LITAF: variants seen among roughly 807,000 people sequenced by gnomAD.
LITAF encodes the protein lipopolysaccharide-induced tumor necrosis factor-alpha factor.
A neutral mutation model predicts 14.5 loss-of-function variants in LITAF; 9 were observed. The observed-to-expected ratio is 0.62, with a 90% CI of 0.37 to 1.08. The LOEUF is 1.08. Ranked by LOEUF, LITAF falls within the 50% of genes least tolerant of loss-of-function variation. The pLI is 0.01. For missense variants in LITAF, 206 were observed against 213.4 expected (o/e 0.97, Z 0.22); for synonymous variants, 98 against 88.2 (o/e 1.11, Z -0.62).
At chr16:11,574,802 T>G (rs1597350594) in intron 1 of LITAF, among the ~76,000 whole-genome samples, 1 of 8,992 alleles carries the variant, frequency 1.1e-4, no homozygotes, top group Non-Finnish European at 2.3e-4. Flanking sequence ...CAATATAAAG[T>G]TTTTTTTTTC....
At chr16:11,601,101 C>G (rs2064923740), upstream of LITAF, among the ~76,000 whole-genome samples, 1 of 152,006 alleles carries the variant, frequency 6.6e-6, no homozygotes, top group South Asian at 2.1e-4. Flanking sequence ...TGGGGAGAAT[C>G]CTGATTCTCC....
intron 1 of LITAF, among the ~76,000 whole-genome samples, chr16:11,573,306 G>C (rs1314910226): frequency 6.6e-6 from 1 of 152,126 alleles, no homozygotes; most frequent in African/African-American, 2.4e-5. Flanking sequence ...ACCAGGCAAA[G>C]AGCAAAATGT....
In LITAF at chr16:11,553,530, C is replaced by T. The variant is rs202181952; in HGVS notation, c.377+3G>A. ...CTTGGGGCCAAGTGGGAGGCAGACTCACCCCAGCAGGCACAGGCTCCCGCA... is the reference window on the plus strand; with the variant it reads ...CTTGGGGCCAAGTGGGAGGCAGACTTACCCCAGCAGGCACAGGCTCCCGCA... On this transcript the variant is annotated splice_donor_region_variant and intron_variant, in intron 3 of 3. Coordinates refer to ENST00000622633, the MANE Select transcript of LITAF (RefSeq NM_001136472.2). This position sits in a 1 kb window ranked among gnomAD's most constrained non-coding sequence, Gnocchi z 7.7. 20 of 1,613,926 alleles carry T rather than the reference C, an allele frequency of 1.2e-5. No individual in the cohort carries two copies. The East Asian group carries it at 4.0e-4, about 32-fold the overall frequency.
At chr16:11,580,181 G>C (rs761481851) in intron 1 of LITAF, among the ~76,000 whole-genome samples, 22 of 152,122 alleles carry the variant, frequency 1.4e-4, no homozygotes, top group Admixed American at 5.9e-4. Context: ...AAACACTTCC[G>C]GTCCCAAGCA....
chr16:11,548,594 T>G lies in LITAF; in HGVS notation c.*1043A>C, dbSNP rs1305858740. On this transcript the variant is annotated 3_prime_UTR_variant, in exon 4 of 4. Transcript: ENST00000622633. ...AAATTATCCATTTCTTTTTCTTTTT[T>G]TTTTTTTTAAGTGAGACTACATTGG... 2 of 446,188 alleles carry G rather than the reference T, an allele frequency of 4.5e-6. No individual in the cohort carries two copies. The allele number at this position is 446,188 out of a possible 1,614,324, so 27.6% of individuals were successfully genotyped here. A position where few individuals can be genotyped will look rare whatever the true frequency, so the allele number is the denominator to read the frequency against.
intron 1 of LITAF, among the ~76,000 whole-genome samples, chr16:11,592,893 G>T: frequency 6.6e-6 from 1 of 152,034 alleles, no homozygotes; most frequent in Non-Finnish European, 1.5e-5. Flanking sequence ...AAAATTGGCC[G>T]GGTGTGGTGG....
At chr16:11,637,976 A>C (rs199807917), upstream of LITAF, among the ~76,000 whole-genome samples, 13 of 37,366 alleles carry the variant, frequency 3.5e-4, no homozygotes, top group South Asian at 6.2e-4. Flanking sequence ...CTATATATCT[A>C]TATATATCTA....
rs1481042324 is a variant in LITAF, at chr16:11,548,359, G to A, written c.*1278C>T. ...GTCTTCTCATGTTTTACAACAAGCTGTGTCTCTGAAAACTAAAATCAGACT... is the reference window on the plus strand; with the variant it reads ...GTCTTCTCATGTTTTACAACAAGCTATGTCTCTGAAAACTAAAATCAGACT... On this transcript the variant is annotated 3_prime_UTR_variant, in exon 4 of 4. Transcript: ENST00000622633. The A allele has an allele frequency of 2.2e-6, 1 of 454,030 alleles. No individual in the cohort carries two copies. Among genetic ancestry groups the A allele is most frequent in the Non-Finnish European group, 4.4e-6 (1 of 226,794 alleles). The allele number at this position is 454,030 out of a possible 1,614,324, so 28.1% of individuals were successfully genotyped here.
intron 3 of LITAF, among the ~76,000 whole-genome samples, chr16:11,611,381 T>G (rs2141878546): frequency 6.6e-6 from 1 of 152,210 alleles, no homozygotes; most frequent in African/African-American, 2.4e-5. Flanking sequence ...AACTCAAATG[T>G]CAGAGAAACA....
At chr16:11,590,517 A>C (rs545462746), upstream of LITAF, among the ~76,000 whole-genome samples, 1 of 117,552 alleles carries the variant, frequency 8.5e-6, no homozygotes, top group South Asian at 2.6e-4. Flanking sequence ...CTTTGTGATA[A>C]AGTATTGAAT....
chr16:11,638,024 C>CTATATATATCTATATATCTA (rs1555475693), upstream of LITAF, among the ~76,000 whole-genome samples: 2 of 72,160 alleles, frequency 2.8e-5, no homozygotes, highest in South Asian at 4.0e-4. Context: ...CTATATATAT[C>CTATATATATCTATATATCTA]TATATATCTA....
At chr16:11,582,034 G>A (rs1289167496) in intron 1 of LITAF, among the ~76,000 whole-genome samples, 1 of 152,150 alleles carries the variant, frequency 6.6e-6, no homozygotes, top group Non-Finnish European at 1.5e-5. Context: ...ACTGTAGGGT[G>A]AATATGGTTA....
chr16:11,606,421 G>A (rs1343956645), intron 3 of LITAF, among the ~76,000 whole-genome samples: 6 of 151,626 alleles, frequency 4.0e-5, no homozygotes, highest in Admixed American at 2.0e-4. Flanking sequence ...CACCTGCCTC[G>A]GCCTCCCAAA....
chr16:11,589,006 C>T (rs1468963221), upstream of LITAF, among the ~76,000 whole-genome samples: 2 of 152,102 alleles, frequency 1.3e-5, no homozygotes, highest in Admixed American at 6.5e-5. Flanking sequence ...TCCCCAACTG[C>T]TGAGCAGCAA....
At chr16:11,603,455 C>A (rs1280278019), upstream of LITAF, among the ~76,000 whole-genome samples, 1 of 152,186 alleles carries the variant, frequency 6.6e-6, no homozygotes, top group Non-Finnish European at 1.5e-5. Flanking sequence ...CCTTCTCTTC[C>A]CCTCCAGAAA....
intron 1 of LITAF, among the ~76,000 whole-genome samples, chr16:11,559,831 CAA>C (rs769948818): frequency 1.3e-5 from 2 of 149,038 alleles, no homozygotes; most frequent in African/African-American, 5.0e-5. Flanking sequence ...ACTGTCTCTA[CAA>C]AAAAATTAAA....
intron 3 of LITAF, among the ~76,000 whole-genome samples, chr16:11,606,557 T>G (rs1044418412): frequency 2.0e-5 from 3 of 152,204 alleles, no homozygotes; most frequent in Admixed American, 6.5e-5. Flanking sequence ...TTATATGCAC[T>G]GGAAAACCAA....
At chr16:11,570,173 C>A (rs2064520213) in intron 1 of LITAF, among the ~76,000 whole-genome samples, 3 of 152,176 alleles carry the variant, frequency 2.0e-5, no homozygotes, top group Non-Finnish European at 4.4e-5. Context: ...TGCCAAATTT[C>A]TCTCAGGTTT....
intron 1 of LITAF, among the ~76,000 whole-genome samples, chr16:11,581,839 C>G (rs968057032): frequency 6.6e-6 from 1 of 152,150 alleles, no homozygotes; most frequent in South Asian, 2.1e-4. Flanking sequence ...AGTCCGCACT[C>G]CCCTCGAAAG....
Sources: gnomAD v4.1 joint callset for allele counts (sites outside exome capture counted in the v4.1 genomes callset) on GRCh38, gnomAD v4.1.1 for gene constraint, Gnocchi (gnomAD v3.1) non-coding constraint, MANE v1.5 for transcripts, NCBI Gene and HGNC (gene_info 2026-07-23, HGNC 2026-07-21) for gene names.